Variants in PLEKHA6 observed in about 807,000 individuals in gnomAD.
PLEKHA6 encodes the protein pleckstrin homology domain containing A6, also known as pleckstrin homology domain-containing family A member 6.
Under a neutral mutation model 116.7 loss-of-function variants are expected in PLEKHA6, and 60 were observed. The ratio of observed to expected loss-of-function variants is 0.51; its 90% CI spans 0.42 to 0.64. The LOEUF (loss-of-function observed/expected upper bound fraction) is 0.64. Ranked by LOEUF, PLEKHA6 falls within the 30% of genes least tolerant of loss-of-function variation. The pLI is 0.00. For missense variants in PLEKHA6, 1,338 were observed against 1,422.7 expected (o/e 0.94, Z 0.96); for synonymous variants, 489 against 556.1 (o/e 0.88, Z 1.70).
At chr1:204,302,289 A>C (rs1000019186) in intron 1 of PLEKHA6, among the ~76,000 whole-genome samples, 1 of 152,232 alleles carries the variant, frequency 6.6e-6, no homozygotes, top group Non-Finnish European at 1.5e-5. Context: ...ATTGCTTTCC[A>C]TAATCTCACC....
upstream of PLEKHA6, among the ~76,000 whole-genome samples, chr1:204,361,826 C>A (rs1283196899): frequency 2.6e-5 from 4 of 152,158 alleles, no homozygotes; most frequent in Non-Finnish European, 4.4e-5. Context: ...CCCTGCGGAG[C>A]CAGTGGAGGA....
intron 1 of PLEKHA6, among the ~76,000 whole-genome samples, chr1:204,372,434 T>TCC (rs1673793434): frequency 6.6e-6 from 1 of 152,142 alleles, no homozygotes; most frequent in South Asian, 2.1e-4. Flanking sequence ...GCAAGAAGCA[T>TCC]CTGACTGTCT....
intron 1 of PLEKHA6, among the ~76,000 whole-genome samples, chr1:204,306,849 A>G (rs1671357863): frequency 6.6e-6 from 1 of 152,184 alleles, no homozygotes; most frequent in Non-Finnish European, 1.5e-5. Context: ...AATTAAAAAA[A>G]CAAGTGTTCT....
Position 204,223,473 on chromosome 1 carries a change from G to C in PLEKHA6, c.3144C>G (p.Val1048=). The change falls in exon 22 of 23, where the codon GTC becomes GTG. Residue 1048 remains valine (V), a synonymous_variant. Coordinates refer to ENST00000272203, the MANE Select transcript of PLEKHA6 (RefSeq NM_014935.5). The surrounding 1 kb of genome is among the most constrained non-coding windows in gnomAD (Gnocchi z 4.8). ...RGADSSYTMR[V] Reference sequence around the variant, plus strand: ...AGAAAAGTGCTTACGTCAGAGCTCAGACCCGCATGGTATAGCTGCTGTCGG... The same window carrying C: ...AGAAAAGTGCTTACGTCAGAGCTCACACCCGCATGGTATAGCTGCTGTCGG... 6.5e-7 allele frequency: 1 copy of C among 1,532,858 alleles called. No homozygotes were observed. Among genetic ancestry groups the C allele is most frequent in the Non-Finnish European group, 8.9e-7 (1 of 1,129,826 alleles). 95.0% of individuals were successfully genotyped at this position (1,532,858 alleles called of 1,614,324 possible). A position where few individuals can be genotyped will look rare whatever the true frequency, so the allele number is the denominator to read the frequency against.
At chr1:204,356,734 A>G (rs958840690) in intron 1 of PLEKHA6, among the ~76,000 whole-genome samples, 1 of 152,162 alleles carries the variant, frequency 6.6e-6, no homozygotes, top group African/African-American at 2.4e-5. Context: ...GAATTCATAA[A>G]AGTACAAGTA....
chr1:204,358,314 A>G (rs3125167), intron 1 of PLEKHA6, among the ~76,000 whole-genome samples: 14,368 of 152,206 alleles, frequency 0.094, 1,479 homozygotes, highest in East Asian at 0.56. Context: ...CAACCTGGAG[A>G]CAGGCCAGAG....
At chr1:204,255,573 G>A (rs1665165577) in intron 9 of PLEKHA6, 1 of 700,578 alleles carries the variant, frequency 1.4e-6, no homozygotes, top group Non-Finnish European at 2.6e-6. Context: ...GAGGAGTGGA[G>A]AGATGCGACA....
At chr1:204,301,580 G>A (rs1052194124) in intron 1 of PLEKHA6, 4 of 517,032 alleles carry the variant, frequency 7.7e-6, no homozygotes, top group Non-Finnish European at 9.9e-6. Flanking sequence ...TACTCCCTAG[G>A]GCCATTCCCA....
intron 5 of PLEKHA6, among the ~76,000 whole-genome samples, chr1:204,265,535 A>C (rs1031266128): frequency 6.6e-6 from 1 of 152,208 alleles, no homozygotes; most frequent in South Asian, 2.1e-4. Flanking sequence ...ATTGGTCTTC[A>C]AACACAAAAA....
At chr1:204,232,380 G>A (rs1223664799) in intron 17 of PLEKHA6, among the ~76,000 whole-genome samples, 1 of 152,192 alleles carries the variant, frequency 6.6e-6, no homozygotes, top group African/African-American at 2.4e-5. Context: ...CTCATTGTAG[G>A]AAAAGTGTGC....
In PLEKHA6 at chr1:204,223,058, A is replaced by G. The variant is rs1349187192; in HGVS notation, c.*9-279T>C. On this transcript the variant is annotated intron_variant, in intron 22 of 22. Coordinates refer to ENST00000272203, the MANE Select transcript of PLEKHA6 (RefSeq NM_014935.5). This position sits in a 1 kb window ranked among gnomAD's most constrained non-coding sequence, Gnocchi z 4.8. ...TACAGTAAGATCTGGGAGTGGAGAA[A>G]CAGCTTCTGAGGGCTTCTGAAGGTT... is the stretch of plus-strand genomic sequence containing the variant. Among the ~76,000 whole-genome samples the G allele has an allele frequency of 6.6e-6, 1 of 152,182 alleles. No individual in the cohort carries two copies. The highest frequency in any genetic ancestry group is 2.4e-5 in the African/African-American group (1 of 41,448).
rs563708098 is a variant in PLEKHA6, at chr1:204,377,575, C to T, written c.83+8G>A. 5 of 152,406 alleles carry T rather than the reference C, an allele frequency of 3.3e-5. No homozygotes were observed. The South Asian group carries it at 1.0e-3, about 32-fold the overall frequency. 9.4% of individuals were successfully genotyped at this position (152,406 alleles called of 1,614,324 possible). A position where few individuals can be genotyped will look rare whatever the true frequency, so the allele number is the denominator to read the frequency against. On this transcript the variant is annotated splice_region_variant and intron_variant, in intron 1 of 4. Transcript: ENST00000564627. ...AATGAAATAAAAAGAAGAGCGAGAC[C>T]AACATACTTGATGAAGAAGATTCTC... is the stretch of plus-strand genomic sequence containing the variant.
At chr1:204,361,724 G>A (rs1025744807), upstream of PLEKHA6, among the ~76,000 whole-genome samples, 1 of 152,238 alleles carries the variant, frequency 6.6e-6, no homozygotes. Context: ...CACCTGCCCT[G>A]GCTCTCCAGG....
rs115109687 is a variant in PLEKHA6 at position 204,334,296 on chromosome 1, T to A, written c.-95+25398A>T. Among the ~76,000 whole-genome samples, 1,358 of 152,238 alleles carry A rather than the reference T, an allele frequency of 8.9e-3. 21 individuals carry two copies. The highest frequency in any genetic ancestry group is 0.03 in the African/African-American group (1,243 of 41,522). On this transcript the variant is annotated intron_variant, in intron 1 of 22. Transcript: ENST00000272203. ...ATGAGTGGGACGCAAAGCCTTTGTA[T>A]CCTGCTCAGTCAAACCTCAAATCTT...
At chr1:204,283,496 CT>C (rs1668853571) in intron 1 of PLEKHA6, among the ~76,000 whole-genome samples, 1 of 152,180 alleles carries the variant, frequency 6.6e-6, no homozygotes, top group East Asian at 1.9e-4. Context: ...ATCTCTGGTC[CT>C]TACACTGGGA....
At chr1:204,302,736 C>T (rs1254201336) in intron 1 of PLEKHA6, among the ~76,000 whole-genome samples, 3 of 152,050 alleles carry the variant, frequency 2.0e-5, no homozygotes, top group East Asian at 1.9e-4. Context: ...ATTATCTGAG[C>T]GTGGTGGCGC....
At chr1:204,256,586 G>A (rs1665321698) in intron 9 of PLEKHA6, among the ~76,000 whole-genome samples, 1 of 152,218 alleles carries the variant, frequency 6.6e-6, no homozygotes, top group South Asian at 2.1e-4. Context: ...TCCTCCACGG[G>A]CTGTGTCACA....
chr1:204,332,528 C>A (rs572071656), intron 1 of PLEKHA6, among the ~76,000 whole-genome samples: 159 of 152,308 alleles, frequency 1.0e-3, no homozygotes, highest in Non-Finnish European at 2.0e-3. Flanking sequence ...ATTACAGGAA[C>A]GCGCCACCAT....
chr1:204,358,201 G>A (rs995695480), intron 1 of PLEKHA6, among the ~76,000 whole-genome samples: 5 of 152,128 alleles, frequency 3.3e-5, no homozygotes, highest in East Asian at 1.9e-4. Context: ...TCTGTGGCTC[G>A]GCACTCTGTG....
Sources: gnomAD v4.1 joint callset for allele counts (sites outside exome capture counted in the v4.1 genomes callset) on GRCh38, gnomAD v4.1.1 for gene constraint, Gnocchi (gnomAD v3.1) non-coding constraint, MANE v1.5 for transcripts, NCBI Gene and HGNC (gene_info 2026-07-23, HGNC 2026-07-21) for gene names.